The following WAS variants were observed in gnomAD, a reference collection of about 807,000 sequenced individuals.
WAS encodes WASP actin nucleation promoting factor, also known as actin nucleation-promoting factor WAS.
WAS carries 1 observed loss-of-function variant against 38.9 expected under a neutral mutation model. The ratio of observed to expected loss-of-function variants is 0.03; its 90% CI spans 0.01 to 0.12. WAS has a LOEUF of 0.12. Among genes scored for constraint, WAS ranks in the 10% least tolerant of loss-of-function variants. The pLI, the probability that WAS is intolerant of heterozygous loss-of-function variation, is 1.00. For missense variants in WAS, 311 were observed against 431.2 expected, an observed-to-expected ratio of 0.72 and a Z score of 2.47; for synonymous variants, 182 against 173.6, an observed-to-expected ratio of 1.05 and a Z score of -0.38.
chrX:48,688,910 ACCACCACCG>A lies in WAS; in HGVS notation c.1197_1205del (p.Pro402_Pro404del), dbSNP rs193922412. 252 of 1,127,312 alleles carry A rather than the reference ACCACCACCG, an allele frequency of 2.2e-4. No homozygotes were observed. Among genetic ancestry groups the A allele is most frequent in the Non-Finnish European group, 2.6e-4 (223 of 853,470 alleles). The allele number at this position is 1,127,312 out of a possible 1,213,427, so 92.9% of individuals were successfully genotyped here. ...CTGGAGCTGGTGGGCCACCCATGCCACCACCACCGCCACCACCGCCACCGCCGCCCAGCT... is the reference window on the plus strand; with the variant it reads ...CTGGAGCTGGTGGGCCACCCATGCCACCACCACCGCCACCGCCGCCCAGCT... On this transcript the variant is annotated inframe_deletion, in exon 10 of 12. Coordinates refer to ENST00000376701, the MANE Select transcript of WAS (RefSeq NM_000377.3).
intron 2 of WAS, 75 bp from the exon 3 acceptor site, chrX:48,685,472 C>T (rs2062415768): frequency 1.3e-6 from 1 of 786,817 alleles, no homozygotes; most frequent in East Asian, 3.4e-5. Context: ...ACCCTGCTCC[C>T]TGCCCAGCTA....
rs141722718 is a variant in WAS, at chrX:48,690,298, G to A, written c.1454-809G>A. ...TGCCACCATACCTGGCTAATTTTTGGTGTTTTTTTGGTAGTGATGAGCTCT... is the reference window on the plus strand; with the variant it reads ...TGCCACCATACCTGGCTAATTTTTGATGTTTTTTTGGTAGTGATGAGCTCT... On this transcript the variant is annotated intron_variant, in intron 11 of 11. Transcript: ENST00000376701. Among the ~76,000 whole-genome samples the A allele has an allele frequency of 2.6e-3, 278 of 106,025 alleles. 4 individuals are homozygous for A. The highest frequency in any genetic ancestry group is 8.9e-3 in the African/African-American group (259 of 29,015). The allele number at this position is 106,025 out of a possible 115,157, so 92.1% of individuals were successfully genotyped here. A position where few individuals can be genotyped will look rare whatever the true frequency, so the allele number is the denominator to read the frequency against.
Position 48,686,095 on chromosome X carries a change from C to T in WAS, c.520C>T (p.Leu174Phe), listed in dbSNP as rs977956095. The change falls in exon 6 of 12, where the codon CTC becomes TTC. Residue 174 changes from leucine to phenylalanine, a missense_variant. Around this residue, in one of 4 missense-constraint regions of WAS, gnomAD observed 31 missense variants for 20.1 expected, o/e 1.55. Transcript: ENST00000376701. The part of the protein sequence containing the change: ...TPANEERRGG[L>F]PPLPLHPGGD... ...CATCTTCCCAGAGAGAAGAGGAGGG[C>T]TCCCACCCCTGCCCCTGCATCCAGG... The T allele has an allele frequency of 1.7e-6, 2 of 1,210,708 alleles. No individual in the cohort carries two copies. The highest frequency in any genetic ancestry group is 3.5e-5 in the African/African-American group (2 of 57,356).
At chrX:48,688,516 C>T (rs2062427469) in intron 9 of WAS, 63 bp downstream of exon 9, 1 of 1,201,079 alleles carries the variant, frequency 8.3e-7, no homozygotes, top group Non-Finnish European at 1.1e-6. Context: ...AAGATACGCA[C>T]TAAGTCACTC....
At chrX:48,683,657 G>C, upstream of WAS, 2 of 531,619 alleles carry the variant, frequency 3.8e-6, no homozygotes, top group Middle Eastern at 4.4e-4. Flanking sequence ...AAGTGGAGGA[G>C]GGTTCCAATC....
At chrX:48,682,354 T>G (rs1373921968), upstream of WAS, among the ~76,000 whole-genome samples, 4 of 111,213 alleles carry the variant, frequency 3.6e-5, no homozygotes, top group East Asian at 1.1e-3. Context: ...CAGCCAAGAG[T>G]GAAGGCGTGG....
intron 11 of WAS, 96 bp downstream of exon 11, chrX:48,689,530 C>T (rs1413356607): frequency 1.4e-6 from 1 of 739,528 alleles, no homozygotes; most frequent in African/African-American, 2.1e-5. Flanking sequence ...GACATCAGCC[C>T]CATCTGTTTG....
Position 48,688,094 on chromosome X carries a change from G to A in WAS, c.775G>A (p.Asp259Asn), listed in dbSNP as rs781868934. 1.2e-5 allele frequency: 15 copies of A among 1,205,559 alleles called. No homozygotes were observed. Among genetic ancestry groups the A allele is most frequent in the Non-Finnish European group, 1.7e-5 (15 of 892,350 alleles). ...GGGGTGGGACCCCCAGAATGGATTT[G>A]ACGTGAGTAACTTCAGAGTCTCTTG... ...HVGWDPQNGF[D>N]VNNLDPDLRS... Residue 259 changes from aspartate (D) to asparagine (N), a missense_variant and splice_region_variant, in exon 8 of 12, where the codon GAC becomes AAC. Asp to Asn is a conservative substitution (Grantham distance 23, BLOSUM62 1). Coordinates refer to ENST00000376701, the MANE Select transcript of WAS (RefSeq NM_000377.3).
At chrX:48,687,712 G>A (rs1250561727) in intron 7 of WAS, among the ~76,000 whole-genome samples, 2 of 111,499 alleles carry the variant, frequency 1.8e-5, no homozygotes, top group African/African-American at 3.3e-5. Flanking sequence ...TGTGTGTGAG[G>A]ACAGACTGGT....
chrX:48,683,015 C>T (rs181260434), upstream of WAS, among the ~76,000 whole-genome samples: 1 of 111,472 alleles, frequency 9.0e-6, no homozygotes, highest in African/African-American at 3.3e-5. Flanking sequence ...TGTCTAAGCA[C>T]TCACGATAGG....
At position 48,686,834 on chromosome X, in the gene WAS, C is replaced by G; in HGVS notation, c.613C>G (p.Pro205Ala). The change falls in exon 7 of 12, where the codon CCT (proline) becomes GCT (alanine). Residue 205 changes from proline to alanine, a missense_variant. Around this residue, in one of 4 missense-constraint regions of WAS, gnomAD observed 74 missense variants for 131.2 expected, o/e 0.56. Coordinates refer to ENST00000376701, the MANE Select transcript of WAS (RefSeq NM_000377.3). ...GCTGGCGACAGTGGACATCCAGAAC[C>G]CTGACATCACGAGTTCACGATACCG... is the stretch of plus-strand genomic sequence containing the variant. ...LGLATVDIQN[P>A]DITSSRYRGL... 1 of 1,212,019 alleles carries G rather than the reference C, an allele frequency of 8.3e-7. No individual in the cohort carries two copies. The highest frequency in any genetic ancestry group is 1.1e-6 in the Non-Finnish European group (1 of 895,591).
chrX:48,684,386 C>T lies in WAS; in HGVS notation c.236C>T (p.Pro79Leu). Residue 79 changes from proline to leucine, a missense_variant, in exon 2 of 12, where the codon CCC (proline) becomes CTC (leucine). By Grantham distance (98) the Pro-to-Leu change is moderately conservative (BLOSUM62 -3). Around this residue, in one of 4 missense-constraint regions of WAS, gnomAD observed 64 missense variants for 122.5 expected, o/e 0.52. Coordinates refer to ENST00000376701, the MANE Select transcript of WAS (RefSeq NM_000377.3). Reference protein sequence around the residue: ...CGAVCFVKDNPQKSYFIRLYG... With the variant: ...CGAVCFVKDNLQKSYFIRLYG... ...GCTGTGTGCTTCGTGAAGGATAACCCCCAGAAGTCCTACTTCATCCGCCTT... is the reference window on the plus strand; with the variant it reads ...GCTGTGTGCTTCGTGAAGGATAACCTCCAGAAGTCCTACTTCATCCGCCTT... The T allele has an allele frequency of 8.3e-7, 1 of 1,210,943 alleles. No individual in the cohort carries two copies. Among genetic ancestry groups the T allele is most frequent in the South Asian group, 1.8e-5 (1 of 56,846 alleles).
intron 6 of WAS, among the ~76,000 whole-genome samples, 156 bp from the exon 7 acceptor site, chrX:48,686,625 C>T (rs1459425556): frequency 8.9e-6 from 1 of 112,031 alleles, no homozygotes; most frequent in Non-Finnish European, 1.9e-5. Flanking sequence ...TGGGATCCAC[C>T]CACTTCTCCA....
In WAS at chrX:48,686,718, G is replaced by A. The variant is rs2062421138; in HGVS notation, c.560-63G>A. 2.6e-6 allele frequency: 3 copies of A among 1,175,186 alleles called. No individual in the cohort carries two copies. In the African/African-American group the frequency reaches 5.3e-5, roughly 21 times the overall value. Reference sequence around the variant, plus strand: ...ATTTCCCTCAAGGCTTCCGTTTCTTGCCCCTGTGCTTTGGTTGGTTGGTAA... The same window carrying A: ...ATTTCCCTCAAGGCTTCCGTTTCTTACCCCTGTGCTTTGGTTGGTTGGTAA... On this transcript the variant is annotated intron_variant, in intron 6 of 11. Transcript: ENST00000376701.
chrX:48,685,842 G>T lies in WAS; in HGVS notation c.463+6G>T. On this transcript the variant is annotated splice_donor_region_variant and intron_variant, in intron 4 of 11. Coordinates refer to ENST00000376701, the MANE Select transcript of WAS (RefSeq NM_000377.3). Reference sequence around the variant, plus strand: ...GAATCAGAGGCAAAGTGGAGGTGAGGAGGCCACAGGGGAGGAAAGGAAGTT... The same window carrying T: ...GAATCAGAGGCAAAGTGGAGGTGAGTAGGCCACAGGGGAGGAAAGGAAGTT... The T allele has an allele frequency of 8.3e-7, 1 of 1,202,930 alleles. No homozygotes were observed. Among genetic ancestry groups the T allele is most frequent in the East Asian group, 3.0e-5 (1 of 33,335 alleles).
chrX:48,682,738 C>T (rs1333354841), upstream of WAS, among the ~76,000 whole-genome samples: 4 of 108,981 alleles, frequency 3.7e-5, no homozygotes, highest in Non-Finnish European at 5.7e-5. Flanking sequence ...ACTAAAAATA[C>T]AAAAAAATTA....
At chrX:48,679,394 C>T (rs2062396781), upstream of WAS, among the ~76,000 whole-genome samples, 1 of 111,989 alleles carries the variant, frequency 8.9e-6, no homozygotes, top group African/African-American at 3.2e-5. Context: ...TTGTCTGCTA[C>T]TTAGAAATAA....
chrX:48,681,465 G>A (rs1009616589), upstream of WAS, among the ~76,000 whole-genome samples: 1 of 112,350 alleles, frequency 8.9e-6, no homozygotes, highest in African/African-American at 3.2e-5. Context: ...CACCGCACCC[G>A]GCCAGTAGTG....
intron 1 of WAS, 34 bp downstream of exon 1, chrX:48,684,019 C>T: frequency 8.3e-7 from 1 of 1,208,578 alleles, no homozygotes; most frequent in South Asian, 1.8e-5. Flanking sequence ...CGCCCCGTCC[C>T]CACCGTTTCT....
Sources: gnomAD v4.1 joint callset for allele counts (sites outside exome capture counted in the v4.1 genomes callset) on GRCh38, gnomAD v4.1.1 for gene constraint, gnomAD v4.1.1 regional missense constraint, MANE v1.5 for transcripts, NCBI Gene and HGNC (gene_info 2026-07-23, HGNC 2026-07-21) for gene names.